The following CDH3 variants were observed in gnomAD, a reference collection of about 807,000 sequenced individuals.
CDH3 encodes cadherin 3.
In CDH3, 54 loss-of-function variants were observed where a neutral mutation model predicts 82.0. That is an observed-to-expected ratio of 0.66 (90% CI 0.53 to 0.83). The LOEUF is 0.83. Among genes scored for constraint, CDH3 ranks in the 40% least tolerant of loss-of-function variants. CDH3 has a pLI of 0.00. For missense variants in CDH3, 1,054 were observed against 1,084.6 expected (o/e 0.97, Z 0.40); for synonymous variants, 446 against 437.9 (o/e 1.02, Z -0.23).
downstream of CDH3, among the ~76,000 whole-genome samples, chr16:68,704,676 C>T (rs1961939314): frequency 6.6e-6 from 1 of 152,248 alleles, no homozygotes; most frequent in South Asian, 2.1e-4. Context: ...GCCTTGGACA[C>T]TGATGAAGAC....
downstream of CDH3, among the ~76,000 whole-genome samples, chr16:68,703,305 C>T (rs1433567160): frequency 1.3e-5 from 2 of 152,152 alleles, no homozygotes; most frequent in Non-Finnish European, 2.9e-5. Context: ...GCATGGACCT[C>T]ACTCACTCAC....
At chr16:68,666,134 G>C (rs1481571854) in intron 2 of CDH3, among the ~76,000 whole-genome samples, 1 of 151,768 alleles carries the variant, frequency 6.6e-6, no homozygotes, top group Non-Finnish European at 1.5e-5. Context: ...TCACTCTCCA[G>C]GCTTGCCTCC....
chr16:68,694,350 A>C (rs1265856383), intron 13 of CDH3, among the ~76,000 whole-genome samples: 1 of 150,816 alleles, frequency 6.6e-6, no homozygotes, highest in Admixed American at 6.6e-5. Context: ...GGCCAGGCGC[A>C]ATGGCTCACA....
chr16:68,680,054 C>A, intron 7 of CDH3, 80 bp downstream of exon 7: 2 of 1,387,340 alleles, frequency 1.4e-6, no homozygotes, highest in Non-Finnish European at 2.0e-6. Context: ...AAGCTCCTAT[C>A]CCTGCCCACA....
At chr16:68,717,539 G>A (rs576330007) in intron 1 of CDH3, among the ~76,000 whole-genome samples, 21 of 152,232 alleles carry the variant, frequency 1.4e-4, no homozygotes, top group South Asian at 4.1e-4. Context: ...TTGGGAGGCC[G>A]AGGCGGGCAG....
chr16:68,653,228 A>T (rs906502847), intron 2 of CDH3, among the ~76,000 whole-genome samples: 1 of 148,272 alleles, frequency 6.7e-6, no homozygotes, highest in African/African-American at 2.5e-5. Flanking sequence ...TAATTTTTCA[A>T]TTATTTTATT....
In CDH3 at chr16:68,685,871, A is replaced by G. The variant is rs529099105; in HGVS notation, c.1570+521A>G. 3.9e-5 allele frequency among the ~76,000 whole-genome samples: 6 copies of G among 152,280 alleles called. No individual in the cohort carries two copies. In the East Asian group the frequency reaches 5.8e-4, roughly 15 times the overall value. ...ATGATTCCAATTTCCCTAAAACCCAAGAGTTGGGAGGGAGCCAGGTGTGGT... is the reference window on the plus strand; with the variant it reads ...ATGATTCCAATTTCCCTAAAACCCAGGAGTTGGGAGGGAGCCAGGTGTGGT... On this transcript the variant is annotated intron_variant, in intron 11 of 15. Transcript: ENST00000264012.
Position 68,698,508 on chromosome 16 carries a change from GTAGCAAC to G in CDH3, c.*110_*116del. ...CTTCGGAGCTTGTCAGGAAGTGGCCGTAGCAACTTGGCGGAGACAGGCTATGAGTCTG... is the reference window on the plus strand; with the variant it reads ...CTTCGGAGCTTGTCAGGAAGTGGCCGTTGGCGGAGACAGGCTATGAGTCTG... On this transcript the variant is annotated 3_prime_UTR_variant, in exon 16 of 16. Transcript: ENST00000264012. 1 of 986,710 alleles carries G rather than the reference GTAGCAAC, an allele frequency of 1.0e-6. No homozygotes were observed. Among genetic ancestry groups the G allele is most frequent in the South Asian group, 1.4e-5 (1 of 69,900 alleles). 61.1% of individuals were successfully genotyped at this position (986,710 alleles called of 1,614,324 possible).
chr16:68,699,168 G>C lies in CDH3; in HGVS notation c.*768G>C, dbSNP rs1961839050. 6.6e-6 allele frequency: 1 copy of C among 152,162 alleles called. No individual in the cohort carries two copies. The highest frequency in any genetic ancestry group is 2.4e-5 in the African/African-American group (1 of 41,424). The allele number at this position is 152,162 out of a possible 1,614,324, so 9.4% of individuals were successfully genotyped here. A position where few individuals can be genotyped will look rare whatever the true frequency, so the allele number is the denominator to read the frequency against. On this transcript the variant is annotated 3_prime_UTR_variant, in exon 16 of 16. Transcript: ENST00000264012. ...GAATTTTCAGAGTTCTGCAAAAAGA[G>C]TGGGCTCTGTTTACCCTGCTGGCTT...
chr16:68,672,201 A>AAT lies in CDH3; in HGVS notation c.161-4183_161-4182insTA, dbSNP rs1555505633. On this transcript the variant is annotated intron_variant, in intron 2 of 15. Coordinates refer to ENST00000264012, the MANE Select transcript of CDH3 (RefSeq NM_001793.6). ...GCGAGACTCCGTCTCAAAAAAAAAA[A>AAT]AAATAAATAAATAAAAAATAAAAAA... Among the ~76,000 whole-genome samples, 165 of 145,210 alleles carry AAT rather than the reference A, an allele frequency of 1.1e-3. 2 individuals are homozygous for AAT. The highest frequency in any genetic ancestry group is 3.6e-3 in the South Asian group (17 of 4,662).
chr16:68,689,681 C>T (rs1159009401), intron 12 of CDH3, among the ~76,000 whole-genome samples: 2 of 152,100 alleles, frequency 1.3e-5, no homozygotes, highest in African/African-American at 4.8e-5. Context: ...TCCACATGGT[C>T]GACTAGTTGT....
intron 12 of CDH3, among the ~76,000 whole-genome samples, chr16:68,688,417 G>C (rs903385465): frequency 2.6e-5 from 4 of 151,904 alleles, no homozygotes; most frequent in African/African-American, 9.7e-5. Flanking sequence ...GTGAAACCCC[G>C]TCTCTACTAA....
chr16:68,660,834 C>G (rs558063443), intron 2 of CDH3, among the ~76,000 whole-genome samples: 1 of 152,256 alleles, frequency 6.6e-6, no homozygotes, highest in East Asian at 1.9e-4. Context: ...TGGCAGGCGC[C>G]TGTAGTCCCA....
chr16:68,691,632 G>A lies in CDH3; in HGVS notation c.1796-88G>A, dbSNP rs999682280. The A allele has an allele frequency of 8.0e-6, 8 of 995,220 alleles. No individual in the cohort carries two copies. In the Admixed American group the frequency reaches 1.2e-4, roughly 15 times the overall value. 61.6% of individuals were successfully genotyped at this position (995,220 alleles called of 1,614,324 possible). On this transcript the variant is annotated intron_variant, in intron 12 of 15. Coordinates refer to ENST00000264012, the MANE Select transcript of CDH3 (RefSeq NM_001793.6). ...TATTTCTCTGCATTGCCCACATGTGGAAGCCGTATTCTCAAACTTTCTTCA... is the reference window on the plus strand; with the variant it reads ...TATTTCTCTGCATTGCCCACATGTGAAAGCCGTATTCTCAAACTTTCTTCA...
intron 2 of CDH3, chr16:68,651,505 C>G: frequency 2.0e-6 from 1 of 496,820 alleles, no homozygotes; most frequent in East Asian, 5.2e-5. Flanking sequence ...AAGTTTTGCT[C>G]CTGCTTCTTT....
In CDH3 at chr16:68,676,480, C is replaced by G. The variant is rs1328938851; in HGVS notation, c.246+10C>G. On this transcript the variant is annotated intron_variant, in intron 3 of 15. Coordinates refer to ENST00000264012, the MANE Select transcript of CDH3 (RefSeq NM_001793.6). Reference sequence around the variant, plus strand: ...TGGCGAGACAGTCCAGGTAAAATACCATGTCCACCTGCAGGACAAAAGAAA... The same window carrying G: ...TGGCGAGACAGTCCAGGTAAAATACGATGTCCACCTGCAGGACAAAAGAAA... 4.4e-6 allele frequency: 7 copies of G among 1,592,332 alleles called. No individual in the cohort carries two copies. The highest frequency in any genetic ancestry group is 6.0e-6 in the Non-Finnish European group (7 of 1,160,096).
At chr16:68,703,132 G>A (rs888406213), downstream of CDH3, among the ~76,000 whole-genome samples, 1 of 152,150 alleles carries the variant, frequency 6.6e-6, no homozygotes, top group East Asian at 1.9e-4. Context: ...CTGACCCAAC[G>A]ATCTTTTTTT....
At chr16:68,664,481 G>T (rs1960681979) in intron 2 of CDH3, among the ~76,000 whole-genome samples, 1 of 152,152 alleles carries the variant, frequency 6.6e-6, no homozygotes, top group Non-Finnish European at 1.5e-5. Context: ...CTCAGTAGAA[G>T]TGATAGGTGG....
At chr16:68,700,719 G>A (rs1272843616), downstream of CDH3, among the ~76,000 whole-genome samples, 1 of 152,140 alleles carries the variant, frequency 6.6e-6, no homozygotes, top group Non-Finnish European at 1.5e-5. Flanking sequence ...AAATTAGCTG[G>A]GTGTGGCGCC....
Sources: gnomAD v4.1 joint callset for allele counts (sites outside exome capture counted in the v4.1 genomes callset) on GRCh38, gnomAD v4.1.1 for gene constraint, MANE v1.5 for transcripts, NCBI Gene and HGNC (gene_info 2026-07-23, HGNC 2026-07-21) for gene names.